Variants in MICAL2 observed in about 807,000 individuals in gnomAD.
MICAL2 encodes the protein [F-actin]-monooxygenase MICAL2.
A neutral mutation model predicts 127.3 loss-of-function variants in MICAL2; 77 were observed. The ratio of observed to expected loss-of-function variants is 0.60; its 90% CI spans 0.50 to 0.73. The LOEUF is 0.73. MICAL2 is among the 30% of genes least tolerant of loss of function. The pLI, the probability that MICAL2 is intolerant of heterozygous loss-of-function variation, is 0.00. For synonymous variants in MICAL2, 570 were observed against 551.1 expected, an observed-to-expected ratio of 1.03 and a Z score of -0.48; for missense variants, 1,351 against 1,434.4, an observed-to-expected ratio of 0.94 and a Z score of 0.94.
intron 3 of MICAL2, among the ~76,000 whole-genome samples, chr11:12,178,087 G>A (rs1195734808): frequency 6.6e-6 from 1 of 152,206 alleles, no homozygotes; most frequent in Non-Finnish European, 1.5e-5. Flanking sequence ...GAGGAGAGAA[G>A]GGCTGAAGGT....
chr11:12,187,669 C>T (rs1270708913), intron 3 of MICAL2, among the ~76,000 whole-genome samples: 1 of 152,210 alleles, frequency 6.6e-6, no homozygotes, highest in Admixed American at 6.5e-5. Flanking sequence ...TCAGCAGCTG[C>T]TGGTGGAGGT....
intron 3 of MICAL2, among the ~76,000 whole-genome samples, chr11:12,190,625 T>C (rs1196612754): frequency 6.6e-6 from 1 of 152,254 alleles, no homozygotes; most frequent in East Asian, 1.9e-4. Context: ...CTCTCCATTT[T>C]TGTAAAGTGT....
At chr11:12,175,695 G>C (rs74992828) in intron 3 of MICAL2, among the ~76,000 whole-genome samples, 5 of 152,020 alleles carry the variant, frequency 3.3e-5, no homozygotes, top group Non-Finnish European at 7.4e-5. Context: ...TCCTGGGAAG[G>C]CTTCTAGAAG....
At chr11:12,290,966 G>C (rs894257778), downstream of MICAL2, among the ~76,000 whole-genome samples, 7 of 152,260 alleles carry the variant, frequency 4.6e-5, no homozygotes, top group South Asian at 1.5e-3. Context: ...AGAGCTTTGG[G>C]GAAACTAAGA....
chr11:12,270,330 AAC>A (rs1161047830), intron 24 of MICAL2, among the ~76,000 whole-genome samples: 1 of 152,118 alleles, frequency 6.6e-6, no homozygotes, highest in African/African-American at 2.4e-5. Flanking sequence ...ATCCCTTGCA[AAC>A]TACATTTTCC....
At chr11:12,329,270 T>C (rs1864387951) in intron 32 of MICAL2, among the ~76,000 whole-genome samples, 2 of 152,266 alleles carry the variant, frequency 1.3e-5, no homozygotes, top group African/African-American at 4.8e-5. Context: ...TGAGAGTCAC[T>C]GTCCATCTCT....
chr11:12,244,950 CAGCCTGGAGG>C (rs1340997677), intron 21 of MICAL2, among the ~76,000 whole-genome samples: 2 of 152,200 alleles, frequency 1.3e-5, no homozygotes, highest in Non-Finnish European at 2.9e-5. Context: ...GTGCAGAGAT[CAGCCTGGAGG>C]ATGAGAAGAG....
intron 8 of MICAL2, among the ~76,000 whole-genome samples, chr11:12,219,117 A>T (rs1856518074): frequency 6.6e-6 from 1 of 152,178 alleles, no homozygotes; most frequent in Admixed American, 6.5e-5. Context: ...GCAGAGGTGG[A>T]CTTTGACCCG....
At chr11:12,124,705 C>A (rs1589987261) in intron 1 of MICAL2, among the ~76,000 whole-genome samples, 1 of 152,214 alleles carries the variant, frequency 6.6e-6, no homozygotes, top group East Asian at 1.9e-4. Flanking sequence ...ACTCTTCATT[C>A]CAGTGTTGGT....
At chr11:12,312,840 T>C (rs1864189127) in intron 29 of MICAL2, among the ~76,000 whole-genome samples, 1 of 152,128 alleles carries the variant, frequency 6.6e-6, no homozygotes, top group Non-Finnish European at 1.5e-5. Flanking sequence ...ATTTTGGGTA[T>C]GGGGCAGGAT....
chr11:12,156,656 C>T (rs757975660), intron 2 of MICAL2, among the ~76,000 whole-genome samples: 1 of 152,168 alleles, frequency 6.6e-6, no homozygotes, highest in African/African-American at 2.4e-5. Context: ...GCCAGCCCTA[C>T]CTGGGCCAGG....
At chr11:12,306,923 T>C (rs1864117535) in intron 29 of MICAL2, among the ~76,000 whole-genome samples, 1 of 152,256 alleles carries the variant, frequency 6.6e-6, no homozygotes, top group Admixed American at 6.5e-5. Flanking sequence ...TGAACATTAA[T>C]GTACAGGTCT....
intron 26 of MICAL2, chr11:12,262,039 A>G (rs764343774): frequency 1.9e-6 from 2 of 1,051,774 alleles, no homozygotes; most frequent in African/African-American, 1.7e-5. Flanking sequence ...CCATAAGGAG[A>G]CTGGTTTGAA....
At chr11:12,225,332 A>C (rs1552877) in intron 13 of MICAL2, among the ~76,000 whole-genome samples, 1 of 152,128 alleles carries the variant, frequency 6.6e-6, no homozygotes, top group African/African-American at 2.4e-5. Flanking sequence ...TGTTTGAGGA[A>C]ACACTGTGGT....
intron 34 of MICAL2, chr11:12,358,240 A>C (rs1939157961): frequency 6.5e-7 from 1 of 1,549,502 alleles, no homozygotes; most frequent in Non-Finnish European, 8.8e-7. Context: ...CATGCCAAGA[A>C]CTCTGCCGGG....
At chr11:12,323,289 G>A (rs1864320452) in intron 30 of MICAL2, among the ~76,000 whole-genome samples, 2 of 152,150 alleles carry the variant, frequency 1.3e-5, no homozygotes, top group South Asian at 2.1e-4. Flanking sequence ...ACAAAGTGAG[G>A]TTGGGAAGAG....
At chr11:12,358,847 T>G (rs1939169630), downstream of MICAL2, 1 of 157,022 alleles carries the variant, frequency 6.4e-6, no homozygotes, top group South Asian at 2.0e-4. Flanking sequence ...TTAAGATTTT[T>G]GAGAAGCTGC....
At chr11:12,350,717 T>C (rs116399930) in intron 33 of MICAL2, among the ~76,000 whole-genome samples, 3 of 152,332 alleles carry the variant, frequency 2.0e-5, no homozygotes, top group Non-Finnish European at 4.4e-5. Context: ...GATAATGGCT[T>C]ATATGATAAT....
Position 12,276,202 on chromosome 11 carries a change from G to C in MICAL2, c.87+36G>C, listed in dbSNP as rs751364100. On this transcript the variant is annotated intron_variant, in intron 1 of 2. Transcript: ENST00000529028. Reference sequence around the variant, plus strand: ...GCTGCTGCCAGATGGGGACAGAAGCGGGGTTGGAGGAAGGGAATCACATTT... The same window carrying C: ...GCTGCTGCCAGATGGGGACAGAAGCCGGGTTGGAGGAAGGGAATCACATTT... The C allele has an allele frequency of 3.1e-5, 12 of 392,040 alleles. No homozygotes were observed. In the Admixed American group the frequency reaches 3.3e-4, roughly 11 times the overall value. 24.3% of individuals were successfully genotyped at this position (392,040 alleles called of 1,614,324 possible).
Sources: allele counts gnomAD v4.1 joint callset (sites outside exome capture counted in the v4.1 genomes callset), GRCh38; gene constraint gnomAD v4.1.1; transcripts MANE v1.5; gene names NCBI Gene and HGNC (gene_info 2026-07-23, HGNC 2026-07-21).